The following TSEN2 variants were observed in gnomAD, a reference collection of about 807,000 sequenced individuals.
The protein encoded by TSEN2 is tRNA splicing endonuclease subunit 2.
In TSEN2, 54 loss-of-function variants were observed where a neutral mutation model predicts 59.2. That is an observed-to-expected ratio of 0.91 (90% CI 0.73 to 1.14). The LOEUF is 1.14. Ranked by LOEUF, TSEN2 falls within the 50% of genes most tolerant of loss-of-function variation. TSEN2 has a pLI of 0.00. For missense variants in TSEN2, 636 were observed against 576.2 expected, an observed-to-expected ratio of 1.10 and a Z score of -1.06; for synonymous variants, 195 against 198.2, an observed-to-expected ratio of 0.98 and a Z score of 0.14.
rs768947645 is a variant in TSEN2, at chr3:12,503,295, G to C, written c.342G>C (p.Leu114=). ...ATAGTGTTGAGTGGGCAGCAGAGCT[G>C]ATGCGTAGACAGGGGCAGGATGAGA... ...YQHSVEWAAE[L]MRRQGQDEST... is the part of the protein sequence containing the mutation. Residue 114 remains leucine (L), a synonymous_variant, in exon 5 of 12, where the codon CTG becomes CTC. Transcript: ENST00000284995. 3.1e-6 allele frequency: 5 copies of C among 1,614,234 alleles called. No homozygotes were observed. In the Admixed American group the frequency reaches 5.0e-5, roughly 16 times the overall value.
intron 11 of TSEN2, 143 bp downstream of exon 11, chr3:12,531,802 C>T (rs1236731563): frequency 1.5e-6 from 1 of 677,592 alleles, no homozygotes; most frequent in Non-Finnish European, 2.6e-6. Flanking sequence ...AAGTCTCTCA[C>T]CTTTTCCCCA....
At chr3:12,486,041 A>G (rs2052580290) in intron 1 of TSEN2, among the ~76,000 whole-genome samples, 1 of 152,240 alleles carries the variant, frequency 6.6e-6, no homozygotes, top group South Asian at 2.1e-4. Context: ...GAGGATGGGC[A>G]TAAGTTACAT....
At chr3:12,480,629 C>T (rs538398946), upstream of TSEN2, among the ~76,000 whole-genome samples, 144 of 140,082 alleles carry the variant, frequency 1.0e-3, no homozygotes, top group Admixed American at 3.3e-3. Flanking sequence ...CTCCTGGGTT[C>T]GAGTGATTCT....
At chr3:12,507,193 T>A (rs1190865492) in intron 6 of TSEN2, among the ~76,000 whole-genome samples, 2 of 151,854 alleles carry the variant, frequency 1.3e-5, no homozygotes, top group Non-Finnish European at 2.9e-5. Context: ...ACTCCGTCTC[T>A]AAAATAAAAT....
chr3:12,486,151 T>C (rs1283165893), intron 1 of TSEN2, among the ~76,000 whole-genome samples: 1 of 152,148 alleles, frequency 6.6e-6, no homozygotes, highest in Non-Finnish European at 1.5e-5. Context: ...ATGACTATAG[T>C]ACCCACATGT....
intron 10 of TSEN2, 131 bp from the exon 11 acceptor site, chr3:12,531,437 TGA>T: frequency 1.5e-6 from 1 of 649,104 alleles, no homozygotes; most frequent in East Asian, 2.7e-5. Context: ...AGGAGGAAAC[TGA>T]TGTGCTCTGT....
chr3:12,506,769 T>C (rs1302635011), intron 6 of TSEN2: 1 of 985,220 alleles, frequency 1.0e-6, no homozygotes, highest in East Asian at 1.1e-4. Context: ...TCCCCTCTTC[T>C]CCAGGAGCTC....
chr3:12,531,525 CTAT>C (rs2057457140), intron 10 of TSEN2, 42 bp from the exon 11 acceptor site: 1 of 1,348,360 alleles, frequency 7.4e-7, no homozygotes, highest in East Asian at 2.3e-5. Context: ...CAAATTTGTA[CTAT>C]TATTTTGTAG....
At chr3:12,535,565 C>T (rs555103436), downstream of TSEN2, among the ~76,000 whole-genome samples, 92 of 152,130 alleles carry the variant, frequency 6.0e-4, no homozygotes, top group African/African-American at 2.1e-3. Context: ...GAGTTTTGCT[C>T]TTGTTGCCCA....
At chr3:12,528,591 A>G (rs1032665026) in intron 8 of TSEN2, among the ~76,000 whole-genome samples, 5 of 152,160 alleles carry the variant, frequency 3.3e-5, no homozygotes, top group African/African-American at 1.2e-4. Context: ...GTGGTGGTGC[A>G]CGCCTGTAGT....
At chr3:12,504,460 G>A (rs1275138098) in intron 5 of TSEN2, among the ~76,000 whole-genome samples, 1 of 152,056 alleles carries the variant, frequency 6.6e-6, no homozygotes, top group Non-Finnish European at 1.5e-5. Flanking sequence ...GTACATGCCA[G>A]TAGTCCCAGC....
chr3:12,492,346 G>A, intron 3 of TSEN2, 129 bp downstream of exon 3: 1 of 740,556 alleles, frequency 1.4e-6, no homozygotes, highest in African/African-American at 1.8e-5. Context: ...TACTGCCAAA[G>A]TTAGCTAGAA....
intron 6 of TSEN2, among the ~76,000 whole-genome samples, chr3:12,516,073 A>G (rs1233332696): frequency 6.6e-6 from 1 of 152,002 alleles, no homozygotes; most frequent in African/African-American, 2.4e-5. Context: ...TAACATTTGT[A>G]TTTTCTTAGA....
rs574706939 is a variant in TSEN2 at position 12,491,719 on chromosome 3, C to T, written c.190-417C>T. On this transcript the variant is annotated intron_variant, in intron 2 of 11. Coordinates refer to ENST00000284995, the MANE Select transcript of TSEN2 (RefSeq NM_025265.4). ...AAATGTAAAGACATGAAAAGTGGGGCGAACCTCTTGTTAACTCAGATGGGT... is the reference window on the plus strand; with the variant it reads ...AAATGTAAAGACATGAAAAGTGGGGTGAACCTCTTGTTAACTCAGATGGGT... Among the ~76,000 whole-genome samples, 17 of 152,284 alleles carry T rather than the reference C, an allele frequency of 1.1e-4. 1 individual carries two copies. Among genetic ancestry groups the T allele is most frequent in the African/African-American group, 3.6e-4 (15 of 41,562 alleles).
chr3:12,487,149 G>A (rs2052699008), intron 1 of TSEN2, among the ~76,000 whole-genome samples: 1 of 152,204 alleles, frequency 6.6e-6, no homozygotes, highest in Non-Finnish European at 1.5e-5. Flanking sequence ...GATGAAACTG[G>A]GCTTAGAGAA....
intron 8 of TSEN2, among the ~76,000 whole-genome samples, chr3:12,520,018 G>A (rs1456318701): frequency 1.4e-5 from 2 of 148,058 alleles, no homozygotes; most frequent in Non-Finnish European, 3.0e-5. Context: ...TTTTTTTTGA[G>A]ACGGAGTCTC....
intron 5 of TSEN2, 121 bp downstream of exon 5, chr3:12,503,905 C>A (rs2054555824): frequency 1.5e-6 from 2 of 1,337,176 alleles, no homozygotes; most frequent in Non-Finnish European, 2.1e-6. Context: ...AGGGAAGCAG[C>A]AGGCTTTGGG....
At chr3:12,510,474 TA>T (rs2055320648) in intron 6 of TSEN2, among the ~76,000 whole-genome samples, 3 of 152,128 alleles carry the variant, frequency 2.0e-5, no homozygotes, top group Admixed American at 2.0e-4. Flanking sequence ...ATTTAGAAAA[TA>T]AAGACAATAG....
chr3:12,482,847 A>T (rs192702170), upstream of TSEN2, among the ~76,000 whole-genome samples: 5 of 152,322 alleles, frequency 3.3e-5, no homozygotes, highest in Admixed American at 6.5e-5. Context: ...CTGGTCGGAT[A>T]TTACAGCCTC....
Sources: gnomAD v4.1 joint callset for allele counts (sites outside exome capture counted in the v4.1 genomes callset) on GRCh38, gnomAD v4.1.1 for gene constraint, MANE v1.5 for transcripts, NCBI Gene and HGNC (gene_info 2026-07-23, HGNC 2026-07-21) for gene names.